The following SUCLG1 variants were observed in gnomAD, a reference collection of about 807,000 sequenced individuals.
The protein encoded by SUCLG1 is succinate--CoA ligase [ADP/GDP-forming] subunit alpha, mitochondrial.
SUCLG1 carries 26 observed loss-of-function variants against 37.3 expected under a neutral mutation model. That is an observed-to-expected ratio of 0.70 (90% CI 0.51 to 0.97). SUCLG1 has a LOEUF of 0.97. Ranked by LOEUF, SUCLG1 falls within the 50% of genes least tolerant of loss-of-function variation. The pLI, the probability that SUCLG1 is intolerant of heterozygous loss-of-function variation, is 0.00. For synonymous variants in SUCLG1, 163 were observed against 155.6 expected (o/e 1.05, Z -0.36); for missense variants, 433 against 432.9 (o/e 1.00, Z 0.00).
At chr2:84,441,551 G>C in intron 3 of SUCLG1, 92 bp from the exon 4 acceptor site, 1 of 1,378,992 alleles carries the variant, frequency 7.3e-7, no homozygotes, top group East Asian at 2.5e-5. Context: ...ATGTCTTGGG[G>C]TAAGAAAAGG....
In SUCLG1 at chr2:84,427,381, T is replaced by C. The variant is rs141887058; in HGVS notation, c.826-1778A>G. On this transcript the variant is annotated intron_variant, in intron 7 of 8. Transcript: ENST00000393868. ...CCCTTGTTAATTTAAAACTCATTAATCTGTCTTGCACTTTGAGTGATCTTT... is the reference window on the plus strand; with the variant it reads ...CCCTTGTTAATTTAAAACTCATTAACCTGTCTTGCACTTTGAGTGATCTTT... Among the ~76,000 whole-genome samples the C allele has an allele frequency of 1.8e-3, 278 of 152,394 alleles. 3 individuals are homozygous for C. The highest frequency in any genetic ancestry group is 6.4e-3 in the African/African-American group (266 of 41,602).
intron 3 of SUCLG1, 122 bp downstream of exon 3, chr2:84,443,162 G>T (rs1036473467): frequency 1.0e-5 from 9 of 892,280 alleles, no homozygotes; most frequent in African/African-American, 9.9e-5. Context: ...ATTTCTCTAG[G>T]TTACTGAATT....
intron 6 of SUCLG1, chr2:84,432,854 T>C (rs993901940): frequency 6.4e-6 from 1 of 156,388 alleles, no homozygotes; most frequent in Admixed American, 6.3e-5. Flanking sequence ...GGAGGCAGTA[T>C]AGTGTGATAA....
intron 8 of SUCLG1, 77 bp downstream of exon 8, chr2:84,425,338 A>G (rs947733812): frequency 1.4e-5 from 22 of 1,570,334 alleles, no homozygotes; most frequent in South Asian, 3.3e-5. Flanking sequence ...AAAGGCCATG[A>G]TTTCCAGGTA....
At chr2:84,449,443 C>T (rs112656154) in intron 2 of SUCLG1, among the ~76,000 whole-genome samples, 47 of 152,226 alleles carry the variant, frequency 3.1e-4, no homozygotes, top group African/African-American at 1.1e-3. Context: ...ATACAATATA[C>T]TCCTTTGCAA....
At chr2:84,452,577 G>A in intron 1 of SUCLG1, among the ~76,000 whole-genome samples, 1 of 152,102 alleles carries the variant, frequency 6.6e-6, no homozygotes, top group South Asian at 2.1e-4. Context: ...ACGCTTTCAT[G>A]TGGGTATACA....
chr2:84,445,623 C>G (rs773771529), intron 2 of SUCLG1, among the ~76,000 whole-genome samples: 1 of 152,292 alleles, frequency 6.6e-6, no homozygotes, highest in Non-Finnish European at 1.5e-5. Flanking sequence ...AATACTGAAG[C>G]CATCCTTGAT....
At position 84,443,300 on chromosome 2, in the gene SUCLG1, A is replaced by C. The variant is rs773748583; in HGVS notation, c.302T>G (p.Phe101Cys). 16 of 1,614,018 alleles carry C rather than the reference A, an allele frequency of 9.9e-6. No homozygotes were observed. Among genetic ancestry groups the C allele is most frequent in the Non-Finnish European group, 1.3e-5 (15 of 1,179,970 alleles). Residue 101 changes from phenylalanine (F) to cysteine (C), a missense_variant, in exon 3 of 9, where the codon TTT (phenylalanine) becomes TGT (cysteine). Phe to Cys is a radical substitution (Grantham distance 205). Coordinates refer to ENST00000393868, the MANE Select transcript of SUCLG1 (RefSeq NM_003849.4). Reference protein sequence around the residue: ...GGQTHLGLPVFNTVKEAKEQT... With the variant: ...GGQTHLGLPVCNTVKEAKEQT... ...ACTAATTACCTCCTTCACAGTATTA[A>C]AGACAGGTAAGCCCAGATGTGTCTG... is the stretch of plus-strand genomic sequence containing the variant.
intron 6 of SUCLG1, chr2:84,432,448 C>T (rs897840160): frequency 1.3e-5 from 2 of 152,150 alleles, no homozygotes; most frequent in Non-Finnish European, 2.9e-5. Flanking sequence ...TCTGTCATTT[C>T]CTAATTTTCT....
Position 84,441,563 on chromosome 2 carries a change from C to G in SUCLG1, c.319-104G>C, listed in dbSNP as rs532785546. On this transcript the variant is annotated intron_variant, in intron 3 of 8. Transcript: ENST00000393868. ...ATAATGTCTTGGGGTAAGAAAAGGACACTACCCAGAGACATAGCATTCTTC... is the reference window on the plus strand; with the variant it reads ...ATAATGTCTTGGGGTAAGAAAAGGAGACTACCCAGAGACATAGCATTCTTC... 5.5e-6 allele frequency: 7 copies of G among 1,267,970 alleles called. No homozygotes were observed. The East Asian group carries it at 1.8e-4, about 32-fold the overall frequency. 78.5% of individuals were successfully genotyped at this position (1,267,970 alleles called of 1,614,324 possible). A position where few individuals can be genotyped will look rare whatever the true frequency, so the allele number is the denominator to read the frequency against.
At chr2:84,425,868 A>C in intron 7 of SUCLG1, 2 of 486,074 alleles carry the variant, frequency 4.1e-6, no homozygotes, top group Non-Finnish European at 7.5e-6. Context: ...ACAAATACAC[A>C]TGACGCTATC....
intron 1 of SUCLG1, among the ~76,000 whole-genome samples, chr2:84,456,517 A>T (rs1186049000): frequency 6.6e-6 from 1 of 152,156 alleles, no homozygotes; most frequent in Non-Finnish European, 1.5e-5. Flanking sequence ...GACCAGTTTT[A>T]AAAAGACCTT....
intron 2 of SUCLG1, among the ~76,000 whole-genome samples, chr2:84,444,706 G>A (rs1269389509): frequency 3.3e-5 from 5 of 152,112 alleles, no homozygotes; most frequent in African/African-American, 4.8e-5. Flanking sequence ...CGGGAGACTG[G>A]GGCTTATTTC....
intron 2 of SUCLG1, among the ~76,000 whole-genome samples, chr2:84,445,358 A>G (rs1599306): frequency 0.88 from 133,712 of 152,072 alleles, 59,334 homozygotes; most frequent in Non-Finnish European, 0.93. Flanking sequence ...GCCCTTGGTG[A>G]TGTCATCCCT....
chr2:84,444,113 C>T (rs915580249), intron 2 of SUCLG1, among the ~76,000 whole-genome samples: 1 of 152,154 alleles, frequency 6.6e-6, no homozygotes, highest in African/African-American at 2.4e-5. Flanking sequence ...TTAATGACAA[C>T]CAAAAACAGC....
chr2:84,440,199 A>G (rs910634493), intron 5 of SUCLG1, among the ~76,000 whole-genome samples: 1 of 152,060 alleles, frequency 6.6e-6, no homozygotes, highest in African/African-American at 2.4e-5. Flanking sequence ...ACATGGAGAA[A>G]CCCGTCTCTA....
At chr2:84,429,632 CA>C (rs1202755209) in intron 7 of SUCLG1, among the ~76,000 whole-genome samples, 9 of 152,014 alleles carry the variant, frequency 5.9e-5, no homozygotes, top group African/African-American at 2.2e-4. Context: ...ACTGGCATGT[CA>C]GATGGAAAAC....
intron 2 of SUCLG1, among the ~76,000 whole-genome samples, chr2:84,443,604 T>C (rs1009389504): frequency 1.3e-5 from 2 of 152,248 alleles, no homozygotes; most frequent in African/African-American, 4.8e-5. Flanking sequence ...AAGGCCTCTT[T>C]GATTCCCTGT....
Position 84,440,363 on chromosome 2 carries a change from A to C in SUCLG1, c.589+684T>G, listed in dbSNP as rs183771503. ...ACTCCAGCCTGGGCGACAGAGCAAAACTCTGTCTCAAAAAAATGAAGACTA... is the reference window on the plus strand; with the variant it reads ...ACTCCAGCCTGGGCGACAGAGCAAACCTCTGTCTCAAAAAAATGAAGACTA... On this transcript the variant is annotated intron_variant, in intron 5 of 8. Transcript: ENST00000393868. 2.4e-3 allele frequency among the ~76,000 whole-genome samples: 371 copies of C among 152,124 alleles called. 1 individual carries two copies. Among genetic ancestry groups the C allele is most frequent in the Non-Finnish European group, 4.2e-3 (285 of 67,970 alleles).
Sources: gnomAD v4.1 joint callset for allele counts (sites outside exome capture counted in the v4.1 genomes callset) on GRCh38, gnomAD v4.1.1 for gene constraint, MANE v1.5 for transcripts, NCBI Gene and HGNC (gene_info 2026-07-23, HGNC 2026-07-21) for gene names.